ZC2HC1A: variants seen among roughly 807,000 people sequenced by gnomAD.
ZC2HC1A encodes the protein zinc finger C2HC-type containing 1A, also known as zinc finger C2HC domain-containing protein 1A.
In ZC2HC1A, 28 loss-of-function variants were observed where a neutral mutation model predicts 40.7. That is an observed-to-expected ratio of 0.69 (90% CI 0.51 to 0.94). ZC2HC1A has a LOEUF of 0.94. ZC2HC1A is among the 40% of genes least tolerant of loss of function. The probability of loss-of-function intolerance (pLI) is 0.00; values close to 1 mark genes in which losing one functional copy is unlikely to be tolerated. For missense variants in ZC2HC1A, 389 were observed against 386.3 expected, an observed-to-expected ratio of 1.01 and a Z score of -0.06; for synonymous variants, 129 against 129.2, an observed-to-expected ratio of 1.00 and a Z score of 0.01.
intron 7 of ZC2HC1A, among the ~76,000 whole-genome samples, chr8:78,709,984 C>A (rs1810904191): frequency 6.6e-6 from 1 of 152,136 alleles, no homozygotes; most frequent in African/African-American, 2.4e-5. Context: ...TAGTAAGCCA[C>A]ACTAAAATTA....
chr8:78,669,113 A>G (rs745642250), intron 1 of ZC2HC1A, among the ~76,000 whole-genome samples: 24 of 152,166 alleles, frequency 1.6e-4, no homozygotes, highest in African/African-American at 3.1e-4. Flanking sequence ...GTATAAATGT[A>G]TACTAGTTTA....
At chr8:78,680,638 CA>C (rs1809746559) in intron 3 of ZC2HC1A, among the ~76,000 whole-genome samples, 1 of 152,062 alleles carries the variant, frequency 6.6e-6, no homozygotes, top group South Asian at 2.1e-4. Flanking sequence ...TTTGGAAAAA[CA>C]AAAGGTAGGC....
chr8:78,680,942 A>G (rs1585985550), intron 3 of ZC2HC1A, among the ~76,000 whole-genome samples: 1 of 152,342 alleles, frequency 6.6e-6, no homozygotes, highest in African/African-American at 2.4e-5. Context: ...CTGAAATTGT[A>G]TAAAAGTCAG....
chr8:78,686,303 G>A (rs1809969240), intron 3 of ZC2HC1A, among the ~76,000 whole-genome samples, 164 bp from the exon 4 acceptor site: 1 of 152,106 alleles, frequency 6.6e-6, no homozygotes, highest in Non-Finnish European at 1.5e-5. Context: ...CAATGTAGTT[G>A]CATAAAGTTT....
chr8:78,705,662 C>T (rs747680177), intron 7 of ZC2HC1A, among the ~76,000 whole-genome samples: 1 of 152,092 alleles, frequency 6.6e-6, no homozygotes, highest in Non-Finnish European at 1.5e-5. Flanking sequence ...CTCTCCAAAC[C>T]CCAGAGACTG....
chr8:78,717,609 C>A lies in ZC2HC1A; in HGVS notation c.*116C>A. 8.5e-7 allele frequency: 1 copy of A among 1,175,024 alleles called. No homozygotes were observed. Among genetic ancestry groups the A allele is most frequent in the East Asian group, 2.4e-5 (1 of 41,010 alleles). 72.8% of individuals were successfully genotyped at this position (1,175,024 alleles called of 1,614,324 possible). A position where few individuals can be genotyped will look rare whatever the true frequency, so the allele number is the denominator to read the frequency against. Reference sequence around the variant, plus strand: ...CTAAAAATACTCGAAATACCATTTCCAGTTAATTTTGAAGTGTAATCTTTT... The same window carrying A: ...CTAAAAATACTCGAAATACCATTTCAAGTTAATTTTGAAGTGTAATCTTTT... On this transcript the variant is annotated 3_prime_UTR_variant, in exon 9 of 9. Transcript: ENST00000263849.
chr8:78,687,925 T>A lies in ZC2HC1A; in HGVS notation c.353-1297T>A, dbSNP rs1049982574. ...TATATTTATATAAATATATAATTAT[T>A]TATATCTATATTTTTATATATAAAC... On this transcript the variant is annotated intron_variant, in intron 4 of 8. Coordinates refer to ENST00000263849, the MANE Select transcript of ZC2HC1A (RefSeq NM_016010.3). Among the ~76,000 whole-genome samples, 16 of 140,700 alleles carry A rather than the reference T, an allele frequency of 1.1e-4. 3 individuals carry two copies. The highest frequency in any genetic ancestry group is 3.7e-4 in the African/African-American group (14 of 37,770). The allele number at this position is 140,700 out of a possible 152,430, so 92.3% of individuals were successfully genotyped here.
chr8:78,699,695 C>G (rs1249120453), intron 7 of ZC2HC1A, among the ~76,000 whole-genome samples: 1 of 152,072 alleles, frequency 6.6e-6, no homozygotes, highest in African/African-American at 2.4e-5. Context: ...ATTTAGCTTC[C>G]ACTTATAAGT....
Position 78,666,158 on chromosome 8 carries a change from C to T in ZC2HC1A, c.10C>T (p.Leu4=). MEG[L]EENGGVVQVG... is the part of the protein sequence containing the mutation. The stretch of plus-strand genomic sequence containing the variant: ...TCGAGGAGGTGGCGCGATGGAGGGA[C>T]TGGAAGGTGAGGCGATGAAGGGATG... Residue 4 remains leucine (L), a synonymous_variant, in exon 1 of 9, where the codon CTG becomes TTG. Coordinates refer to ENST00000263849, the MANE Select transcript of ZC2HC1A (RefSeq NM_016010.3). 6.4e-7 allele frequency: 1 copy of T among 1,574,428 alleles called. No individual in the cohort carries two copies. Among genetic ancestry groups the T allele is most frequent in the Non-Finnish European group, 8.6e-7 (1 of 1,160,180 alleles).
chr8:78,668,885 AT>A (rs141324419), intron 1 of ZC2HC1A, among the ~76,000 whole-genome samples: 7,827 of 152,198 alleles, frequency 0.051, 280 homozygotes, highest in Middle Eastern at 0.082. Flanking sequence ...TTTTATCCTT[AT>A]ATACAGTATT....
intron 1 of ZC2HC1A, among the ~76,000 whole-genome samples, chr8:78,675,483 T>C (rs1809551467): frequency 6.6e-6 from 1 of 152,090 alleles, no homozygotes; most frequent in East Asian, 1.9e-4. Flanking sequence ...AGATAGCCTA[T>C]AAGTTAAGAG....
chr8:78,693,489 T>G (rs1810288019), intron 5 of ZC2HC1A, among the ~76,000 whole-genome samples: 1 of 152,242 alleles, frequency 6.6e-6, no homozygotes, highest in Admixed American at 6.5e-5. Flanking sequence ...CCAGTAATGA[T>G]GAACATTTTT....
chr8:78,717,180 C>A, intron 8 of ZC2HC1A, 148 bp from the exon 9 acceptor site: 4 of 658,334 alleles, frequency 6.1e-6, no homozygotes, highest in Non-Finnish European at 9.4e-6. Flanking sequence ...TATTTACTAA[C>A]AAGGATTTTT....
At chr8:78,689,414 C>T (rs970068586) in intron 5 of ZC2HC1A, 41 bp downstream of exon 5, 47 of 1,503,790 alleles carry the variant, frequency 3.1e-5, no homozygotes, top group Non-Finnish European at 3.8e-5. Context: ...GAGAAAATGG[C>T]TCATGGACAT....
chr8:78,700,602 T>C (rs1050747742), intron 7 of ZC2HC1A, among the ~76,000 whole-genome samples: 1 of 152,178 alleles, frequency 6.6e-6, no homozygotes, highest in African/African-American at 2.4e-5. Context: ...CTGAATGGTA[T>C]TGGCTAGGTT....
At chr8:78,700,379 T>C (rs999156685) in intron 7 of ZC2HC1A, among the ~76,000 whole-genome samples, 1 of 152,106 alleles carries the variant, frequency 6.6e-6, no homozygotes, top group African/African-American at 2.4e-5. Flanking sequence ...TAAGTTTGTT[T>C]GTTAAATTAT....
rs532368488 is a variant in ZC2HC1A, at chr8:78,685,554, A to G, written c.211-913A>G. Among the ~76,000 whole-genome samples the G allele has an allele frequency of 3.3e-5, 5 of 152,348 alleles. No homozygotes were observed. The South Asian group carries it at 1.0e-3, about 32-fold the overall frequency. On this transcript the variant is annotated intron_variant, in intron 3 of 8. Transcript: ENST00000263849. Reference sequence around the variant, plus strand: ...GGGAGGGAATAGTTTCCTATAAACAATTACTAGAAATTATTACATTAAAGG... The same window carrying G: ...GGGAGGGAATAGTTTCCTATAAACAGTTACTAGAAATTATTACATTAAAGG...
intron 1 of ZC2HC1A, among the ~76,000 whole-genome samples, chr8:78,672,029 A>G (rs943552582): frequency 6.6e-6 from 1 of 152,134 alleles, no homozygotes; most frequent in Non-Finnish European, 1.5e-5. Context: ...GAGCTTAAGT[A>G]TCTTGCCTGA....
At chr8:78,685,236 A>G (rs575552494) in intron 3 of ZC2HC1A, among the ~76,000 whole-genome samples, 30 of 131,818 alleles carry the variant, frequency 2.3e-4, no homozygotes, top group African/African-American at 7.7e-4. Flanking sequence ...TCACTAAAGG[A>G]TAGGACAACT....
Sources: gnomAD v4.1 joint callset for allele counts (sites outside exome capture counted in the v4.1 genomes callset) on GRCh38, gnomAD v4.1.1 for gene constraint, MANE v1.5 for transcripts, NCBI Gene and HGNC (gene_info 2026-07-23, HGNC 2026-07-21) for gene names.